The following FOXP1 variants were observed in gnomAD, a reference collection of about 807,000 sequenced individuals.
FOXP1 encodes the protein forkhead box protein P1.
In FOXP1, 15 loss-of-function variants were observed where a neutral mutation model predicts 98.2. That is an observed-to-expected ratio of 0.15 (90% CI 0.10 to 0.24). The LOEUF is 0.24. Ranked by LOEUF, FOXP1 falls within the 10% of genes least tolerant of loss-of-function variation. FOXP1 has a pLI of 1.00. For missense variants in FOXP1, 633 were observed against 848.5 expected (o/e 0.75, Z 3.15); for synonymous variants, 371 against 314.5 (o/e 1.18, Z -1.90).
chr3:71,398,910 G>A (rs2081751843), intron 3 of FOXP1, among the ~76,000 whole-genome samples: 1 of 152,284 alleles, frequency 6.6e-6, no homozygotes, highest in South Asian at 2.1e-4. Flanking sequence ...TTTACTTCAT[G>A]AGTGTAAAAA....
chr3:71,207,550 T>C (rs1331674303), intron 5 of FOXP1, among the ~76,000 whole-genome samples: 1 of 152,180 alleles, frequency 6.6e-6, no homozygotes, highest in East Asian at 1.9e-4. Context: ...TGAAACTTGC[T>C]CTCACAGACA....
intron 5 of FOXP1, among the ~76,000 whole-genome samples, chr3:71,289,355 C>A (rs558835934): frequency 6.6e-6 from 1 of 151,456 alleles, no homozygotes; most frequent in Non-Finnish European, 1.5e-5. Context: ...TGTTTTTTAT[C>A]TAGAGACAGA....
chr3:71,580,680 GGGAAAGGGGATGGAAT>G (rs935065445), intron 2 of FOXP1: 1 of 513,630 alleles, frequency 1.9e-6, no homozygotes, highest in Non-Finnish European at 2.5e-6. Context: ...ACGGGGGTGG[GGGAAAGGGGATGGAAT>G]GGAAAAATTT....
chr3:71,377,729 A>G (rs2079827743), intron 3 of FOXP1, among the ~76,000 whole-genome samples: 1 of 152,240 alleles, frequency 6.6e-6, no homozygotes, highest in East Asian at 1.9e-4. Flanking sequence ...AACTTGAAAA[A>G]ACAACTTTGT....
rs1301572147 is a variant in FOXP1 at position 71,512,192 on chromosome 3, T to C, written c.-297-18637A>G. Among the ~76,000 whole-genome samples the C allele has an allele frequency of 2.0e-5, 3 of 152,138 alleles. No homozygotes were observed. In the East Asian group the frequency reaches 5.8e-4, roughly 29 times the overall value. On this transcript the variant is annotated intron_variant, in intron 2 of 20. Transcript: ENST00000649528. ...AACCAGGGGTTGAACCTAGTTCACATTGTGCTATATTGCCTCCCAGTGGTG... is the reference window on the plus strand; with the variant it reads ...AACCAGGGGTTGAACCTAGTTCACACTGTGCTATATTGCCTCCCAGTGGTG...
intron 5 of FOXP1, among the ~76,000 whole-genome samples, chr3:71,260,424 T>C (rs967129188): frequency 4.6e-5 from 7 of 152,218 alleles, no homozygotes; most frequent in East Asian, 1.9e-4. Flanking sequence ...CTATTTCACA[T>C]GGTAGTGCTT....
In FOXP1 at chr3:70,958,931, T is replaced by C; in HGVS notation, c.*316A>G. 1 of 430,142 alleles carries C rather than the reference T, an allele frequency of 2.3e-6. No homozygotes were observed. The highest frequency in any genetic ancestry group is 4.4e-6 in the Non-Finnish European group (1 of 229,678). 26.6% of individuals were successfully genotyped at this position (430,142 alleles called of 1,614,324 possible). On this transcript the variant is annotated 3_prime_UTR_variant, in exon 21 of 21. Transcript: ENST00000649528. ...AGGACTGCAGTTCAAAGTCTGCTGC[T>C]AAAAGTGAATCAGTTTAGCAAATTT...
chr3:71,113,712 C>CAAATAAAAT (rs1553744573), intron 6 of FOXP1, among the ~76,000 whole-genome samples: 3 of 102,378 alleles, frequency 2.9e-5, no homozygotes, highest in African/African-American at 1.1e-4. Flanking sequence ...GCTTCCATCT[C>CAAATAAAAT]AAAATAAAAT....
At chr3:71,522,609 T>C (rs2043076606) in intron 2 of FOXP1, among the ~76,000 whole-genome samples, 1 of 152,178 alleles carries the variant, frequency 6.6e-6, no homozygotes, top group Admixed American at 6.5e-5. Flanking sequence ...TATAAAGTGA[T>C]TCAAATATAG....
chr3:71,279,852 G>A (rs1295495), intron 5 of FOXP1, among the ~76,000 whole-genome samples: 42,728 of 151,898 alleles, frequency 0.28, 6,224 homozygotes, highest in African/African-American at 0.33. Flanking sequence ...GGCCAGGCGC[G>A]GTGGCTCATA....
intron 10 of FOXP1, 49 bp from the exon 11 acceptor site, chr3:71,041,581 C>T: frequency 1.3e-6 from 2 of 1,534,788 alleles, no homozygotes; most frequent in Non-Finnish European, 9.0e-7. Flanking sequence ...CTAATTCCGT[C>T]CTCTTCAAAC....
intron 18 of FOXP1, chr3:70,971,308 G>A (rs1287620095): frequency 1.1e-5 from 2 of 188,110 alleles, no homozygotes; most frequent in Non-Finnish European, 2.2e-5. Flanking sequence ...GCCAACAGGC[G>A]ATGGAGAGTA....
intron 4 of FOXP1, among the ~76,000 whole-genome samples, chr3:71,339,485 T>C (rs905398951): frequency 2.6e-5 from 4 of 152,250 alleles, no homozygotes; most frequent in Non-Finnish European, 5.9e-5. Flanking sequence ...CTCCTTGTTG[T>C]AACTCTTCAG....
chr3:71,182,116 A>G (rs1442508643), intron 6 of FOXP1, among the ~76,000 whole-genome samples: 1 of 152,162 alleles, frequency 6.6e-6, no homozygotes, highest in Non-Finnish European at 1.5e-5. Context: ...TATTGACAGG[A>G]AAGTGATTTT....
chr3:71,440,018 G>A (rs1031484319), intron 3 of FOXP1, among the ~76,000 whole-genome samples: 22 of 150,804 alleles, frequency 1.5e-4, no homozygotes, highest in African/African-American at 5.1e-4. Context: ...AGGACATTAT[G>A]CTAAGTGAAA....
At chr3:71,223,960 G>A (rs147097673) in intron 5 of FOXP1, among the ~76,000 whole-genome samples, 124 of 152,254 alleles carry the variant, frequency 8.1e-4, no homozygotes, top group African/African-American at 2.9e-3. Context: ...GGATAATCAC[G>A]CTCCCTAGTA....
At chr3:71,171,427 T>C (rs959206485) in intron 6 of FOXP1, among the ~76,000 whole-genome samples, 1 of 152,158 alleles carries the variant, frequency 6.6e-6, no homozygotes, top group Non-Finnish European at 1.5e-5. Flanking sequence ...GAAGAGAGCG[T>C]GCTAACAAAT....
chr3:71,347,349 A>G (rs553398602), intron 4 of FOXP1, among the ~76,000 whole-genome samples: 1 of 152,280 alleles, frequency 6.6e-6, no homozygotes, highest in South Asian at 2.1e-4. Context: ...ATTATTATTA[A>G]ATGTTCCTAA....
intron 3 of FOXP1, among the ~76,000 whole-genome samples, chr3:71,473,473 A>G (rs779340046): frequency 2.0e-5 from 3 of 152,162 alleles, no homozygotes; most frequent in Non-Finnish European, 2.9e-5. Flanking sequence ...TCCTCTAAGC[A>G]TTGTCAAAAT....
Sources: gnomAD v4.1 joint callset for allele counts (sites outside exome capture counted in the v4.1 genomes callset) on GRCh38, gnomAD v4.1.1 for gene constraint, MANE v1.5 for transcripts, NCBI Gene and HGNC (gene_info 2026-07-23, HGNC 2026-07-21) for gene names.